MANBA: variants seen among roughly 807,000 people sequenced by gnomAD.
MANBA encodes the protein mannosidase beta, also known as beta-mannosidase.
MANBA carries 83 observed loss-of-function variants against 111.1 expected under a neutral mutation model. The observed-to-expected ratio is 0.75, with a 90% CI of 0.63 to 0.90. The LOEUF is 0.90. MANBA is among the 40% of genes least tolerant of loss of function. MANBA has a pLI of 0.00. For missense variants in MANBA, 1,036 were observed against 1,069.0 expected (o/e 0.97, Z 0.43); for synonymous variants, 370 against 378.7 (o/e 0.98, Z 0.27).
At position 102,671,392 on chromosome 4, in the gene MANBA, C is replaced by A. The variant is rs1288397411; in HGVS notation, c.1119G>T (p.Arg373=). ...FQDRVTSELL[R]LLLQSVVDAN... ...CATCCACAACAGACTGTAAAAGGAGCCGTAACCTGTAGAAGACATTTTAGA... is the reference window on the plus strand; with the variant it reads ...CATCCACAACAGACTGTAAAAGGAGACGTAACCTGTAGAAGACATTTTAGA... Residue 373 remains arginine, a synonymous_variant, in exon 9 of 17, where the codon CGG becomes CGT. Transcript: ENST00000647097. 6 of 1,579,952 alleles carry A rather than the reference C, an allele frequency of 3.8e-6. No individual in the cohort carries two copies. The highest frequency in any genetic ancestry group is 5.2e-6 in the Non-Finnish European group (6 of 1,149,346).
At chr4:102,703,819 A>C (rs1048080406) in intron 5 of MANBA, among the ~76,000 whole-genome samples, 3 of 152,098 alleles carry the variant, frequency 2.0e-5, no homozygotes, top group Non-Finnish European at 4.4e-5. Flanking sequence ...GATCCCACCC[A>C]GCATGGTGGC....
intron 1 of MANBA, among the ~76,000 whole-genome samples, chr4:102,758,038 C>A (rs1039843582): frequency 5.9e-5 from 9 of 152,312 alleles, no homozygotes; most frequent in Middle Eastern, 3.4e-3. Flanking sequence ...TAAAAGTGAC[C>A]TTTTCAAACA....
At chr4:102,732,221 C>G (rs112614678) in intron 1 of MANBA, among the ~76,000 whole-genome samples, 1,781 of 152,310 alleles carry the variant, frequency 0.012, 35 homozygotes, top group African/African-American at 0.039. Context: ...TCTTTCCACT[C>G]TTTATCTCCC....
intron 1 of MANBA, among the ~76,000 whole-genome samples, chr4:102,737,799 G>C (rs1723274547): frequency 6.6e-6 from 1 of 152,162 alleles, no homozygotes; most frequent in African/African-American, 2.4e-5. Flanking sequence ...GCCTGTCAGT[G>C]CTGGCTTTTC....
At chr4:102,664,255 T>C (rs890269334) in intron 11 of MANBA, among the ~76,000 whole-genome samples, 2 of 152,190 alleles carry the variant, frequency 1.3e-5, no homozygotes, top group African/African-American at 4.8e-5. Context: ...TACAATGGGA[T>C]ACCCTGTATT....
rs1732379375 is a variant in MANBA at position 102,689,474 on chromosome 4, CAA to C, written c.960+98_960+99del. On this transcript the variant is annotated intron_variant, in intron 7 of 16. Coordinates refer to ENST00000647097, the MANE Select transcript of MANBA (RefSeq NM_005908.4). ...AGATGATCTCTGATGGGTGGGGACACAAGAGTTTTGACGGTTTCTTCTTTTCC... is the reference window on the plus strand; with the variant it reads ...AGATGATCTCTGATGGGTGGGGACACGAGTTTTGACGGTTTCTTCTTTTCC... The C allele has an allele frequency of 8.0e-6, 6 of 747,008 alleles. No individual in the cohort carries two copies. In the South Asian group the frequency reaches 1.1e-4, roughly 13 times the overall value. 46.3% of individuals were successfully genotyped at this position (747,008 alleles called of 1,614,324 possible). A position where few individuals can be genotyped will look rare whatever the true frequency, so the allele number is the denominator to read the frequency against.
intron 5 of MANBA, among the ~76,000 whole-genome samples, chr4:102,706,977 C>G (rs1427879401): frequency 2.0e-5 from 3 of 151,994 alleles, no homozygotes; most frequent in Non-Finnish European, 2.9e-5. Flanking sequence ...TGCCAGAAAG[C>G]AAACAGAAAA....
intron 14 of MANBA, among the ~76,000 whole-genome samples, chr4:102,637,706 C>T (rs963084069): frequency 1.3e-5 from 2 of 152,236 alleles, no homozygotes; most frequent in African/African-American, 4.8e-5. Flanking sequence ...AGTTCCTGCA[C>T]TCAGGACCCT....
At chr4:102,695,476 G>A (rs1732666063) in intron 5 of MANBA, among the ~76,000 whole-genome samples, 1 of 152,176 alleles carries the variant, frequency 6.6e-6, no homozygotes, top group East Asian at 1.9e-4. Flanking sequence ...ATCTAGTCAT[G>A]TGATGTCTAG....
chr4:102,696,540 A>G (rs1393380494), intron 5 of MANBA, among the ~76,000 whole-genome samples: 1 of 152,212 alleles, frequency 6.6e-6, no homozygotes, highest in Non-Finnish European at 1.5e-5. Context: ...CAAGTGTCGC[A>G]GTTAAGAATA....
At chr4:102,636,925 G>C (rs923841664) in intron 14 of MANBA, among the ~76,000 whole-genome samples, 9 of 152,200 alleles carry the variant, frequency 5.9e-5, no homozygotes, top group Non-Finnish European at 1.2e-4. Flanking sequence ...TGTTGTAGGA[G>C]GGACCTGGTA....
intron 1 of MANBA, chr4:102,729,909 C>A: frequency 6.6e-7 from 1 of 1,517,796 alleles, no homozygotes. Context: ...CTCCTGGGTG[C>A]GCACAGCCTG....
chr4:102,656,514 T>C (rs546607296), intron 12 of MANBA, among the ~76,000 whole-genome samples: 1 of 152,278 alleles, frequency 6.6e-6, no homozygotes, highest in Admixed American at 6.5e-5. Flanking sequence ...AGAAAACAAT[T>C]TGACATTTCC....
intron 1 of MANBA, chr4:102,734,256 C>T (rs1723128687): frequency 7.6e-6 from 9 of 1,187,186 alleles, no homozygotes; most frequent in Non-Finnish European, 1.0e-5. Context: ...TTGCTGTAAA[C>T]CTACAAAGTC....
intron 13 of MANBA, among the ~76,000 whole-genome samples, chr4:102,640,877 C>T (rs191331174): frequency 2.1e-3 from 321 of 152,184 alleles, no homozygotes; most frequent in Non-Finnish European, 2.2e-3. Flanking sequence ...AATTCCAGAA[C>T]GGAAGCCAGA....
In MANBA at chr4:102,631,104, CTTTGTGTGTGTGTGTGTG is replaced by C. The variant is rs1181794823; in HGVS notation, c.*935_*952del. 8.9e-3 allele frequency: 1,232 copies of C among 138,964 alleles called. 20 individuals carry two copies. Among genetic ancestry groups the C allele is most frequent in the African/African-American group, 0.032 (1,182 of 36,546 alleles). The allele number at this position is 138,964 out of a possible 1,614,324, so 8.6% of individuals were successfully genotyped here. On this transcript the variant is annotated 3_prime_UTR_variant, in exon 17 of 17. Transcript: ENST00000647097. ...AAGTCCCCTTATCCCCTTGATAAGG[CTTTGTGTGTGTGTGTGTG>C]TGTGTGTGTGTGTGTGTGTGTGTGT...
intron 1 of MANBA, chr4:102,734,231 A>T: frequency 1.2e-6 from 1 of 845,036 alleles, no homozygotes; most frequent in Non-Finnish European, 1.8e-6. Context: ...AACCCTCTGT[A>T]CTTTCTGTTC....
chr4:102,681,510 T>C (rs1731976465), intron 7 of MANBA: 1 of 152,178 alleles, frequency 6.6e-6, no homozygotes, highest in Non-Finnish European at 1.5e-5. Context: ...AGAATATACT[T>C]CATACATGAA....
chr4:102,713,312 C>T (rs1722166520), intron 5 of MANBA, among the ~76,000 whole-genome samples: 1 of 152,202 alleles, frequency 6.6e-6, no homozygotes, highest in South Asian at 2.1e-4. Context: ...CTTCATCCTT[C>T]ATTTCCCTAA....
Sources: gnomAD v4.1 joint callset for allele counts (sites outside exome capture counted in the v4.1 genomes callset) on GRCh38, gnomAD v4.1.1 for gene constraint, MANE v1.5 for transcripts, NCBI Gene and HGNC (gene_info 2026-07-23, HGNC 2026-07-21) for gene names.